The following KCTD16 variants were observed in gnomAD, a reference collection of about 807,000 sequenced individuals.
KCTD16 encodes potassium channel tetramerization domain containing 16, also known as BTB/POZ domain-containing protein KCTD16.
A neutral mutation model predicts 33.2 loss-of-function variants in KCTD16; 13 were observed. That is an observed-to-expected ratio of 0.39 (90% CI 0.25 to 0.62). The LOEUF is 0.62. Among genes scored for constraint, KCTD16 ranks in the 20% least tolerant of loss-of-function variants. KCTD16 has a pLI of 0.50. For missense variants in KCTD16, 441 were observed against 525.1 expected, an observed-to-expected ratio of 0.84 and a Z score of 1.57; for synonymous variants, 197 against 195.3, an observed-to-expected ratio of 1.01 and a Z score of -0.07.
chr5:144,230,776 C>A (rs1168430382), intron 3 of KCTD16, among the ~76,000 whole-genome samples: 1 of 152,206 alleles, frequency 6.6e-6, no homozygotes, highest in African/African-American at 2.4e-5. Flanking sequence ...AGAGAAAGTA[C>A]TTAATTCTGA....
At chr5:144,467,929 C>T (rs1305275109) in intron 3 of KCTD16, among the ~76,000 whole-genome samples, 1 of 152,174 alleles carries the variant, frequency 6.6e-6, no homozygotes, top group East Asian at 1.9e-4. Flanking sequence ...CTTTGCCCAG[C>T]TGGCTTTCTG....
rs1030028869 is a variant in KCTD16 at position 144,484,135 on chromosome 5, G to T, written c.*10021G>T. Reference sequence around the variant, plus strand: ...AAATATACTGCTTAGTTTAGAGACGGACAAACTAATGTATTTTTGTAAATC... The same window carrying T: ...AAATATACTGCTTAGTTTAGAGACGTACAAACTAATGTATTTTTGTAAATC... On this transcript the variant is annotated 3_prime_UTR_variant, in exon 4 of 4. Coordinates refer to ENST00000512467, the MANE Select transcript of KCTD16 (RefSeq NM_020768.4). The T allele has an allele frequency of 4.0e-5, 6 of 151,840 alleles. No individual in the cohort carries two copies. The highest frequency in any genetic ancestry group is 8.8e-5 in the Non-Finnish European group (6 of 67,902). The allele number at this position is 151,840 out of a possible 1,614,324, so 9.4% of individuals were successfully genotyped here.
At chr5:144,367,175 T>G (rs934524605) in intron 3 of KCTD16, among the ~76,000 whole-genome samples, 6 of 152,214 alleles carry the variant, frequency 3.9e-5, no homozygotes, top group Admixed American at 3.9e-4. Flanking sequence ...CAGTAATAGA[T>G]AGCCGACTTA....
intron 3 of KCTD16, among the ~76,000 whole-genome samples, chr5:144,374,125 G>A (rs1354454829): frequency 6.6e-6 from 1 of 152,204 alleles, no homozygotes; most frequent in African/African-American, 2.4e-5. Context: ...CTTTTGCTAT[G>A]TAAGGCAACA....
At chr5:144,441,913 G>C (rs1367149846) in intron 3 of KCTD16, among the ~76,000 whole-genome samples, 1 of 149,546 alleles carries the variant, frequency 6.7e-6, no homozygotes, top group Non-Finnish European at 1.5e-5. Context: ...TCTGTAGATT[G>C]ACTTGCAGAA....
chr5:144,320,925 G>A (rs1298565369), intron 3 of KCTD16, among the ~76,000 whole-genome samples: 6 of 151,968 alleles, frequency 3.9e-5, no homozygotes, highest in South Asian at 2.1e-4. Context: ...GCGTGATCTC[G>A]GCTTACTGCA....
chr5:144,359,448 G>C (rs1751653272), intron 3 of KCTD16, among the ~76,000 whole-genome samples: 1 of 151,804 alleles, frequency 6.6e-6, no homozygotes, highest in Non-Finnish European at 1.5e-5. Context: ...GGAGTTTTGG[G>C]GATTTTTACA....
chr5:144,445,282 T>A (rs998645002), intron 3 of KCTD16, among the ~76,000 whole-genome samples: 1 of 152,036 alleles, frequency 6.6e-6, no homozygotes, highest in Non-Finnish European at 1.5e-5. Flanking sequence ...CATAAACAAC[T>A]GTCATCTAAA....
At chr5:144,250,644 T>C (rs56076136) in intron 3 of KCTD16, among the ~76,000 whole-genome samples, 1 of 152,318 alleles carries the variant, frequency 6.6e-6, no homozygotes, top group Non-Finnish European at 1.5e-5. Context: ...CTAGAGTGTA[T>C]GGTTAAAGGC....
At chr5:144,332,615 A>C (rs1752387557) in intron 3 of KCTD16, among the ~76,000 whole-genome samples, 1 of 152,224 alleles carries the variant, frequency 6.6e-6, no homozygotes, top group African/African-American at 2.4e-5. Context: ...TGTTCTCTGC[A>C]TATCTCCTAG....
intron 3 of KCTD16, among the ~76,000 whole-genome samples, chr5:144,332,946 G>A (rs1395042934): frequency 2.0e-5 from 3 of 152,146 alleles, no homozygotes; most frequent in Non-Finnish European, 4.4e-5. Context: ...TATGTGTGCA[G>A]GGGAACCATC....
At chr5:144,235,973 G>C (rs781340305) in intron 3 of KCTD16, among the ~76,000 whole-genome samples, 2 of 152,026 alleles carry the variant, frequency 1.3e-5, no homozygotes, top group African/African-American at 4.8e-5. Flanking sequence ...GTGTTTATAC[G>C]TAAGGGTCAT....
intron 3 of KCTD16, among the ~76,000 whole-genome samples, chr5:144,263,070 G>C (rs893940184): frequency 6.6e-6 from 1 of 152,220 alleles, no homozygotes; most frequent in African/African-American, 2.4e-5. Flanking sequence ...GATTATGCCT[G>C]GGCAATGGGT....
chr5:144,429,330 G>A (rs1441818335), intron 3 of KCTD16, among the ~76,000 whole-genome samples: 2 of 152,142 alleles, frequency 1.3e-5, no homozygotes, highest in Non-Finnish European at 2.9e-5. Flanking sequence ...AGGCAGCTGA[G>A]TTCCCTATGG....
intron 3 of KCTD16, among the ~76,000 whole-genome samples, chr5:144,314,853 A>G (rs1193707479): frequency 6.6e-6 from 1 of 152,192 alleles, no homozygotes; most frequent in Non-Finnish European, 1.5e-5. Flanking sequence ...CTGATAGGCT[A>G]ATAAAAAGAC....
intron 3 of KCTD16, among the ~76,000 whole-genome samples, chr5:144,375,925 C>T (rs988228448): frequency 9.9e-5 from 15 of 152,020 alleles, no homozygotes; most frequent in Admixed American, 9.8e-4. Flanking sequence ...ATTCTCCTGC[C>T]TCAGCCTCCT....
chr5:144,390,231 C>G (rs1008952605), intron 3 of KCTD16, among the ~76,000 whole-genome samples: 6 of 152,134 alleles, frequency 3.9e-5, no homozygotes, highest in African/African-American at 1.4e-4. Context: ...GGTAGATTTC[C>G]TTGTTTCTAG....
intron 3 of KCTD16, among the ~76,000 whole-genome samples, chr5:144,278,628 G>A (rs1368643797): frequency 6.6e-6 from 1 of 151,356 alleles, no homozygotes; most frequent in Non-Finnish European, 1.5e-5. Flanking sequence ...CTCCCGAGTA[G>A]CTGGGACTAC....
chr5:144,467,033 A>G, intron 3 of KCTD16, among the ~76,000 whole-genome samples: 1 of 110,060 alleles, frequency 9.1e-6, no homozygotes, highest in South Asian at 2.6e-4. Flanking sequence ...AACACTATAT[A>G]TTATATATAA....
Sources: gnomAD v4.1 joint callset for allele counts (sites outside exome capture counted in the v4.1 genomes callset) on GRCh38, gnomAD v4.1.1 for gene constraint, MANE v1.5 for transcripts, NCBI Gene and HGNC (gene_info 2026-07-23, HGNC 2026-07-21) for gene names.